The following BCKDHB variants were observed in gnomAD, a reference collection of about 807,000 sequenced individuals.
The protein encoded by BCKDHB is 2-oxoisovalerate dehydrogenase subunit beta, mitochondrial.
Under a neutral mutation model 48.5 loss-of-function variants are expected in BCKDHB, and 41 were observed. The ratio of observed to expected loss-of-function variants is 0.85; its 90% CI spans 0.66 to 1.10. The LOEUF is 1.10. BCKDHB is among the 50% of genes least tolerant of loss of function. The probability of loss-of-function intolerance (pLI) is 0.00; values close to 1 mark genes in which losing one functional copy is unlikely to be tolerated. For missense variants in BCKDHB, 496 were observed against 494.2 expected, an observed-to-expected ratio of 1.00 and a Z score of -0.03; for synonymous variants, 201 against 174.8, an observed-to-expected ratio of 1.15 and a Z score of -1.18.
intron 1 of BCKDHB, among the ~76,000 whole-genome samples, chr6:80,108,971 C>G (rs186573160): frequency 7.2e-5 from 11 of 152,284 alleles, no homozygotes; most frequent in Middle Eastern, 3.4e-3. Context: ...ATTTTCCATA[C>G]TTTTAGTTTT....
At chr6:80,255,984 T>A (rs1359390732) in intron 8 of BCKDHB, among the ~76,000 whole-genome samples, 1 of 152,212 alleles carries the variant, frequency 6.6e-6, no homozygotes, top group East Asian at 1.9e-4. Flanking sequence ...GCCCTGAGGC[T>A]ATTTACCTTT....
chr6:80,346,127 A>G lies in BCKDHB; in HGVS notation c.*2323A>G, dbSNP rs1453454922. On this transcript the variant is annotated 3_prime_UTR_variant, in exon 10 of 10. Coordinates refer to ENST00000320393, the MANE Select transcript of BCKDHB (RefSeq NM_183050.4). ...GTTCTACATTCTATTATTGTATTGT[A>G]ACACACATGTATTGATGATTTTCAT... 6.6e-6 allele frequency: 1 copy of G among 152,230 alleles called. No individual in the cohort carries two copies. Among genetic ancestry groups the G allele is most frequent in the African/African-American group, 2.4e-5 (1 of 41,458 alleles). The allele number at this position is 152,230 out of a possible 1,614,324, so 9.4% of individuals were successfully genotyped here.
chr6:80,428,140 G>A, the BCKDHB span, among the ~76,000 whole-genome samples: 2 of 151,508 alleles, frequency 1.3e-5, no homozygotes, highest in African/African-American at 4.9e-5. Context: ...TTCTGTTCTT[G>A]TATTAGTTTG....
At chr6:80,169,187 C>A (rs1196027449) in intron 5 of BCKDHB, among the ~76,000 whole-genome samples, 157 bp downstream of exon 5, 1 of 152,168 alleles carries the variant, frequency 6.6e-6, no homozygotes. Context: ...GTTAGCAGTT[C>A]TTTTAAGTAT....
chr6:80,466,223 G>A, the BCKDHB span, among the ~76,000 whole-genome samples: 3 of 152,156 alleles, frequency 2.0e-5, no homozygotes, highest in Admixed American at 2.0e-4. Context: ...TATATTATAT[G>A]TATACCCCAT....
intron 6 of BCKDHB, among the ~76,000 whole-genome samples, chr6:80,176,745 G>C (rs1773173320): frequency 6.6e-6 from 1 of 152,136 alleles, no homozygotes. Flanking sequence ...TGTGTGGATG[G>C]TGTCCATGAA....
At chr6:80,379,059 T>TA in the BCKDHB span, among the ~76,000 whole-genome samples, 2 of 151,968 alleles carry the variant, frequency 1.3e-5, no homozygotes, top group African/African-American at 4.8e-5. Flanking sequence ...TCCAAAAAAT[T>TA]AAGGAGTAGG....
At chr6:80,277,299 G>A (rs922510289) in intron 9 of BCKDHB, among the ~76,000 whole-genome samples, 1 of 151,710 alleles carries the variant, frequency 6.6e-6, no homozygotes, top group African/African-American at 2.4e-5. Flanking sequence ...GTAACCCCAG[G>A]TTTTTTTAAG....
chr6:80,199,121 G>A (rs892279606), intron 6 of BCKDHB, among the ~76,000 whole-genome samples: 3 of 152,100 alleles, frequency 2.0e-5, no homozygotes, highest in Non-Finnish European at 4.4e-5. Flanking sequence ...CCCAAGTTTT[G>A]TGCCCTGGCT....
chr6:80,343,084 G>T (rs970253477), intron 9 of BCKDHB, among the ~76,000 whole-genome samples: 7 of 152,158 alleles, frequency 4.6e-5, no homozygotes, highest in African/African-American at 1.4e-4. Flanking sequence ...AATAACCTGA[G>T]ATTTGTACAC....
chr6:80,291,645 T>A (rs570422549), intron 9 of BCKDHB, among the ~76,000 whole-genome samples: 3 of 152,298 alleles, frequency 2.0e-5, no homozygotes, highest in Non-Finnish European at 4.4e-5. Context: ...TTCTACATTA[T>A]CCATCCCTTT....
the BCKDHB span, among the ~76,000 whole-genome samples, chr6:80,410,941 T>A: frequency 1.3e-5 from 2 of 152,232 alleles, no homozygotes; most frequent in Non-Finnish European, 2.9e-5. Context: ...TGAAGCCTAC[T>A]TCTGTCAACT....
chr6:80,375,424 T>C, the BCKDHB span, among the ~76,000 whole-genome samples: 1 of 152,222 alleles, frequency 6.6e-6, no homozygotes, highest in African/African-American at 2.4e-5. Flanking sequence ...ATCTTTCTTC[T>C]ACTTGTTCGA....
At chr6:80,447,276 G>A in the BCKDHB span, among the ~76,000 whole-genome samples, 13 of 152,004 alleles carry the variant, frequency 8.6e-5, no homozygotes, top group African/African-American at 3.1e-4. Context: ...GATGCATGAT[G>A]TATGTGAAAG....
intron 9 of BCKDHB, among the ~76,000 whole-genome samples, chr6:80,308,508 A>G (rs1349503395): frequency 2.0e-5 from 3 of 152,110 alleles, no homozygotes; most frequent in Non-Finnish European, 2.9e-5. Flanking sequence ...ATTATTGTAT[A>G]TAATTTTGTA....
intron 3 of BCKDHB, among the ~76,000 whole-genome samples, chr6:80,152,785 G>A (rs1360058093): frequency 1.3e-5 from 2 of 152,160 alleles, no homozygotes; most frequent in Non-Finnish European, 1.5e-5. Context: ...AGTTGGTCCT[G>A]TACTTCCAGG....
At chr6:80,394,758 T>C in the BCKDHB span, among the ~76,000 whole-genome samples, 1 of 152,200 alleles carries the variant, frequency 6.6e-6, no homozygotes, top group African/African-American at 2.4e-5. Context: ...GTCTAATCCC[T>C]GCCTGATATG....
At chr6:80,302,085 G>T (rs907656812) in intron 9 of BCKDHB, among the ~76,000 whole-genome samples, 1 of 151,996 alleles carries the variant, frequency 6.6e-6, no homozygotes, top group African/African-American at 2.4e-5. Context: ...CTTGAGAACC[G>T]GAACAAGACA....
chr6:80,350,640 A>G (rs988623157), downstream of BCKDHB, among the ~76,000 whole-genome samples: 3 of 151,864 alleles, frequency 2.0e-5, no homozygotes, highest in Non-Finnish European at 2.9e-5. Flanking sequence ...AATAATTATC[A>G]GGGTCTTGAT....
Sources: allele counts gnomAD v4.1 joint callset (sites outside exome capture counted in the v4.1 genomes callset), GRCh38; gene constraint gnomAD v4.1.1; transcripts MANE v1.5; gene names NCBI Gene and HGNC (gene_info 2026-07-23, HGNC 2026-07-21).